Variants in MCTP2 observed in about 807,000 individuals in gnomAD.
The protein encoded by MCTP2 is multiple C2 and transmembrane domain containing 2.
MCTP2 carries 132 observed loss-of-function variants against 111.6 expected under a neutral mutation model. The ratio of observed to expected loss-of-function variants is 1.18; its 90% CI spans 1.03 to 1.37. MCTP2 has a LOEUF of 1.37. Among genes scored for constraint, MCTP2 ranks in the 40% most tolerant of loss-of-function variants. The probability of loss-of-function intolerance (pLI) is 0.00; values close to 1 mark genes in which losing one functional copy is unlikely to be tolerated. For synonymous variants in MCTP2, 395 were observed against 387.7 expected, an observed-to-expected ratio of 1.02 and a Z score of -0.22; for missense variants, 1,183 against 1,067.9, an observed-to-expected ratio of 1.11 and a Z score of -1.50.
At chr15:94,245,402 GTATA>G (rs1157890363) in intron 1 of MCTP2, among the ~76,000 whole-genome samples, 1 of 50,840 alleles carries the variant, frequency 2.0e-5, no homozygotes. Context: ...ATACATGTGT[GTATA>G]TATTTATATA....
intron 1 of MCTP2, among the ~76,000 whole-genome samples, chr15:94,294,941 C>CTTTTTTTTTTTTTTTTTTTTTTTTTTT (rs71133001): frequency 2.7e-5 from 2 of 73,988 alleles, no homozygotes; most frequent in African/African-American, 5.7e-5. Context: ...TTTTCTTTTC[C>CTTTTTTTTTTTTTTTTTTTTTTTTTTT]TTTTTTTTTT....
At chr15:94,356,350 A>G in intron 9 of MCTP2, 49 bp downstream of exon 9, 6 of 1,444,076 alleles carry the variant, frequency 4.2e-6, no homozygotes, top group Non-Finnish European at 4.6e-6. Context: ...AAAATAAAAA[A>G]AAATTAAAAA....
In MCTP2 at chr15:94,385,515, C is replaced by T. The variant is rs2080408301; in HGVS notation, c.1778C>T (p.Pro593Leu). 1 of 1,609,000 alleles carries T rather than the reference C, an allele frequency of 6.2e-7. No homozygotes were observed. The highest frequency in any genetic ancestry group is 8.5e-7 in the Non-Finnish European group (1 of 1,175,744). The change falls in exon 14 of 23, where the codon CCC (proline) becomes CTC (leucine). Residue 593 changes from proline to leucine, a missense_variant. Physicochemically the swap from Pro to Leu is moderately conservative, Grantham distance 98 (BLOSUM62 -3). Transcript: ENST00000357742. ...GATTTTCTTGGAAAAGTTGCCATTC[C>T]CTTGCTGTCCGTAAGTTTCCTTTAT... ...PPDFLGKVAIPLLSIRDGQPN... is the reference protein window; with the variant it reads ...PPDFLGKVAILLLSIRDGQPN...
chr15:94,253,385 T>C (rs1434159384), intron 1 of MCTP2, among the ~76,000 whole-genome samples: 1 of 152,184 alleles, frequency 6.6e-6, no homozygotes, highest in East Asian at 1.9e-4. Context: ...CTCTGGCCTA[T>C]CTAGGCAACT....
At chr15:94,386,590 G>C (rs549991660) in intron 14 of MCTP2, among the ~76,000 whole-genome samples, 1 of 152,144 alleles carries the variant, frequency 6.6e-6, no homozygotes, top group Non-Finnish European at 1.5e-5. Flanking sequence ...TGAGCCATCG[G>C]CACCAGCCGA....
intron 1 of MCTP2, among the ~76,000 whole-genome samples, chr15:94,235,237 A>G (rs2070458883): frequency 6.8e-6 from 1 of 146,406 alleles, no homozygotes; most frequent in South Asian, 2.3e-4. Flanking sequence ...CTGGGAGACA[A>G]GAGCGAAACT....
intron 19 of MCTP2, among the ~76,000 whole-genome samples, chr15:94,455,486 C>G (rs980350608): frequency 1.3e-5 from 2 of 151,762 alleles, no homozygotes; most frequent in South Asian, 2.1e-4. Flanking sequence ...TCGCCAGGCT[C>G]GAGTGCAGTG....
At chr15:94,244,332 A>C (rs905026157) in intron 1 of MCTP2, among the ~76,000 whole-genome samples, 3 of 149,156 alleles carry the variant, frequency 2.0e-5, no homozygotes, top group Admixed American at 2.0e-4. Flanking sequence ...ACACATGTAT[A>C]TATACACGTA....
intron 20 of MCTP2, among the ~76,000 whole-genome samples, chr15:94,462,884 TA>T (rs1017651162): frequency 1.3e-4 from 20 of 152,234 alleles, no homozygotes; most frequent in Admixed American, 1.3e-3. Context: ...ATTAATCACC[TA>T]AAAATATTAA....
chr15:94,364,342 G>C (rs1480762932), intron 10 of MCTP2, among the ~76,000 whole-genome samples: 2 of 152,050 alleles, frequency 1.3e-5, no homozygotes, highest in Non-Finnish European at 2.9e-5. Flanking sequence ...ACAGGGAAAG[G>C]CTAATCCTGT....
At chr15:94,430,397 A>T (rs1162993177) in intron 17 of MCTP2, among the ~76,000 whole-genome samples, 21 of 18,560 alleles carry the variant, frequency 1.1e-3, no homozygotes, top group South Asian at 4.1e-3. Flanking sequence ...AAACAATCAC[A>T]CACACACACA....
rs1308562213 is a variant in MCTP2, at chr15:94,242,982, TACAC to T, written c.-66+11319_-66+11322del. Among the ~76,000 whole-genome samples the T allele has an allele frequency of 1.4e-3, 157 of 110,066 alleles. 15 individuals carry two copies. Among genetic ancestry groups the T allele is most frequent in the Middle Eastern group, 5.9e-3 (1 of 170 alleles). The allele number at this position is 110,066 out of a possible 152,430, so 72.2% of individuals were successfully genotyped here. ...ACACGTGTATATGTGTATCTACACATACACGTGTATATGTGTATCTACACATACA... is the reference window on the plus strand; with the variant it reads ...ACACGTGTATATGTGTATCTACACATGTGTATATGTGTATCTACACATACA... On this transcript the variant is annotated intron_variant, in intron 1 of 22. Coordinates refer to ENST00000357742, the MANE Select transcript of MCTP2 (RefSeq NM_001385001.1).
Position 94,362,904 on chromosome 15 carries a change from C to T in MCTP2, c.1301+4292C>T, listed in dbSNP as rs529589181. Among the ~76,000 whole-genome samples the T allele has an allele frequency of 3.9e-5, 6 of 152,276 alleles. No homozygotes were observed. In the South Asian group the frequency reaches 1.2e-3, roughly 32 times the overall value. ...AAACAATGCTAAATCAGCACATTAA[C>T]TGCCTGTGGGCTAGAGAGGCTGGCT... On this transcript the variant is annotated intron_variant, in intron 10 of 22. Transcript: ENST00000357742.
chr15:94,279,665 T>C (rs1043693861), intron 1 of MCTP2, among the ~76,000 whole-genome samples: 3 of 152,272 alleles, frequency 2.0e-5, no homozygotes, highest in African/African-American at 7.2e-5. Flanking sequence ...ATAGGAGTGG[T>C]GAGAGTGGGC....
At chr15:94,405,095 G>A (rs1343140171) in intron 17 of MCTP2, among the ~76,000 whole-genome samples, 4 of 152,164 alleles carry the variant, frequency 2.6e-5, no homozygotes, top group Non-Finnish European at 5.9e-5. Context: ...TGAAATTAGC[G>A]AATGTGATAG....
intron 4 of MCTP2, among the ~76,000 whole-genome samples, chr15:94,316,134 A>G (rs1306480281): frequency 6.6e-6 from 1 of 152,210 alleles, no homozygotes; most frequent in African/African-American, 2.4e-5. Flanking sequence ...CTAGCCATAA[A>G]TACATACCTG....
At chr15:94,434,855 TTC>T (rs1491189919) in intron 17 of MCTP2, among the ~76,000 whole-genome samples, 5 of 137,780 alleles carry the variant, frequency 3.6e-5, no homozygotes, top group African/African-American at 1.6e-4. Context: ...CTTTCTTTCT[TTC>T]TTTTTTTTTT....
intron 14 of MCTP2, among the ~76,000 whole-genome samples, chr15:94,395,809 C>T (rs2081254414): frequency 1.3e-5 from 2 of 152,142 alleles, no homozygotes; most frequent in Non-Finnish European, 2.9e-5. Context: ...AGTGACTTGG[C>T]TCTGGTTCCA....
chr15:94,270,742 T>C lies in MCTP2; in HGVS notation c.-65-27459T>C, dbSNP rs76655168. ...CACTTTCTTCCACATTCTGCTTACC[T>C]CATCTAAGGGGTGTTTTCCTGATGC... On this transcript the variant is annotated intron_variant, in intron 1 of 22. Coordinates refer to ENST00000357742, the MANE Select transcript of MCTP2 (RefSeq NM_001385001.1). Among the ~76,000 whole-genome samples, 635 of 152,288 alleles carry C rather than the reference T, an allele frequency of 4.2e-3. 5 individuals are homozygous for C. The highest frequency in any genetic ancestry group is 0.015 in the African/African-American group (614 of 41,558).
Sources: allele counts gnomAD v4.1 joint callset (sites outside exome capture counted in the v4.1 genomes callset), GRCh38; gene constraint gnomAD v4.1.1; transcripts MANE v1.5; gene names NCBI Gene and HGNC (gene_info 2026-07-23, HGNC 2026-07-21).